The following TAAR5 variants were observed in gnomAD, a reference collection of about 807,000 sequenced individuals.
TAAR5 encodes trace amine-associated receptor 5.
In TAAR5, 27 loss-of-function variants were observed where a neutral mutation model predicts 21.1. That is an observed-to-expected ratio of 1.28 (90% CI 0.94 to 1.76). The LOEUF is 1.76. Ranked by LOEUF, TAAR5 falls within the 40% of genes most tolerant of loss-of-function variation. The probability of loss-of-function intolerance (pLI) is 0.00; values close to 1 mark genes in which losing one functional copy is unlikely to be tolerated. For missense variants in TAAR5, 495 were observed against 405.6 expected, an observed-to-expected ratio of 1.22 and a Z score of -1.89; for synonymous variants, 203 against 167.5, an observed-to-expected ratio of 1.21 and a Z score of -1.64.
the TAAR5 span, among the ~76,000 whole-genome samples, chr6:132,606,019 C>T: frequency 2.0e-5 from 3 of 152,234 alleles, no homozygotes; most frequent in East Asian, 1.9e-4. Flanking sequence ...AAACCAAATA[C>T]CGCCTATTCT....
the TAAR5 span, among the ~76,000 whole-genome samples, chr6:132,600,779 GGGAAGGAGGGAAGGAGGGGAGGAAGGAA>G: frequency 1.5e-5 from 2 of 131,612 alleles, no homozygotes; most frequent in East Asian, 2.2e-4. Flanking sequence ...GAAGGAAGGA[GGGAAGGAGGGAAGGAGGGGAGGAAGGAA>G]GGAAGGAAGG....
the TAAR5 span, among the ~76,000 whole-genome samples, chr6:132,610,153 G>A: frequency 2.6e-5 from 4 of 152,242 alleles, no homozygotes; most frequent in Non-Finnish European, 4.4e-5. Context: ...AAAGGAGGGT[G>A]GACAAATGGC....
At chr6:132,599,259 C>T in the TAAR5 span, among the ~76,000 whole-genome samples, 465 of 150,440 alleles carry the variant, frequency 3.1e-3, 5 homozygotes, top group African/African-American at 0.011. Context: ...TATTATTCAT[C>T]AACACCACAC....
chr6:132,596,776 G>A, the TAAR5 span, among the ~76,000 whole-genome samples: 2 of 152,108 alleles, frequency 1.3e-5, no homozygotes, highest in Non-Finnish European at 2.9e-5. Context: ...ATAAAGTGCA[G>A]ACTAGCAATC....
At chr6:132,590,522 GA>G (rs1317347050), upstream of TAAR5, among the ~76,000 whole-genome samples, 1 of 152,150 alleles carries the variant, frequency 6.6e-6, no homozygotes, top group Non-Finnish European at 1.5e-5. Flanking sequence ...CCCTTCCTGG[GA>G]AAAAATGTTT....
At chr6:132,591,548 A>G (rs1366897375), upstream of TAAR5, among the ~76,000 whole-genome samples, 1 of 152,220 alleles carries the variant, frequency 6.6e-6, no homozygotes, top group African/African-American at 2.4e-5. Flanking sequence ...GTGGAAATAC[A>G]TATCTGGCTC....
chr6:132,612,585 G>T, the TAAR5 span, among the ~76,000 whole-genome samples: 1 of 152,168 alleles, frequency 6.6e-6, no homozygotes, highest in Non-Finnish European at 1.5e-5. Flanking sequence ...GATAGTGTTA[G>T]TAGAAGAAAA....
At chr6:132,608,174 A>T in the TAAR5 span, 32 of 368,924 alleles carry the variant, frequency 8.7e-5, no homozygotes, top group South Asian at 6.2e-4. Context: ...TGGGGATGTA[A>T]GGTATGTGCT....
the TAAR5 span, among the ~76,000 whole-genome samples, chr6:132,604,379 G>A: frequency 6.6e-6 from 1 of 151,984 alleles, no homozygotes; most frequent in African/African-American, 2.4e-5. Flanking sequence ...TTGACCTCAG[G>A]TGATCCGTCT....
rs1212731426 is a variant in TAAR5, at chr6:132,589,627, C to A, written c.60G>T (p.Val20=). ...EEHPAAFCYQ[V]NGSCPRTVHT... The stretch of plus-strand genomic sequence containing the variant: ...GTACTGTCCTGGGGCAAGACCCATT[C>A]ACCTGGTAGCAGAATGCCGCAGGGT... The change falls in exon 1 of 1, where the codon GTG becomes GTT. Residue 20 remains valine (V), a synonymous_variant. Coordinates refer to ENST00000258034, the MANE Select transcript of TAAR5 (RefSeq NM_003967.3). 1.9e-6 allele frequency: 3 copies of A among 1,613,176 alleles called. No individual in the cohort carries two copies. In the African/African-American group the frequency reaches 4.0e-5, roughly 22 times the overall value.
chr6:132,589,881 A>T (rs1776880795), upstream of TAAR5, among the ~76,000 whole-genome samples: 1 of 152,104 alleles, frequency 6.6e-6, no homozygotes, highest in Non-Finnish European at 1.5e-5. Context: ...GTGCCCTGAA[A>T]ATCAAATGCA....
In TAAR5 at chr6:132,589,528, TA is replaced by T. The variant is rs1415708172; in HGVS notation, c.158del (p.Val53AspfsTer96). 12 of 1,613,848 alleles carry T rather than the reference TA, an allele frequency of 7.4e-6. No individual in the cohort carries two copies. The highest frequency in any genetic ancestry group is 1.0e-5 in the Non-Finnish European group (12 of 1,179,928). ...AGTAGGACACAGCAAATGCCACAAA[TA>T]CATTCCCTAGCACGATAATCAGCAT... Reference protein sequence around the residue: ...AGMLIIVLGNVFVAFAVSYFK... With the variant: ...AGMLIIVLGNXFVAFAVSYFK... On this transcript the variant is annotated frameshift_variant, in exon 1 of 1. Transcript: ENST00000258034. LOFTEE classifies it high-confidence loss of function.
chr6:132,607,514 A>G, the TAAR5 span, among the ~76,000 whole-genome samples: 3 of 152,160 alleles, frequency 2.0e-5, no homozygotes, highest in Non-Finnish European at 4.4e-5. Flanking sequence ...AGTGGTTGAA[A>G]CAAGCACAAG....
chr6:132,598,170 A>C, the TAAR5 span, among the ~76,000 whole-genome samples: 1 of 152,160 alleles, frequency 6.6e-6, no homozygotes, highest in African/African-American at 2.4e-5. Context: ...TAATAATTTT[A>C]TCTTACTTTG....
chr6:132,615,903 C>T, the TAAR5 span, among the ~76,000 whole-genome samples: 1 of 151,676 alleles, frequency 6.6e-6, no homozygotes, highest in African/African-American at 2.4e-5. Flanking sequence ...CACACACACA[C>T]ACACACACAC....
chr6:132,598,735 A>G, the TAAR5 span, among the ~76,000 whole-genome samples: 1 of 152,196 alleles, frequency 6.6e-6, no homozygotes, highest in Non-Finnish European at 1.5e-5. Flanking sequence ...TCACCAGAGA[A>G]ATGGCTCTGG....
At chr6:132,615,908 ACACACG>A in the TAAR5 span, among the ~76,000 whole-genome samples, 1 of 141,044 alleles carries the variant, frequency 7.1e-6, no homozygotes, top group Non-Finnish European at 1.6e-5. Context: ...ACACACACAC[ACACACG>A]AGATATAACT....
rs936078097 is a variant in TAAR5, at chr6:132,588,595, C to T, written c.*78G>A. Reference sequence around the variant, plus strand: ...CCTGGAAGCATGCCCACAAACTCAACACCACACAGCCCACGGTCACAGTGC... The same window carrying T: ...CCTGGAAGCATGCCCACAAACTCAATACCACACAGCCCACGGTCACAGTGC... On this transcript the variant is annotated 3_prime_UTR_variant, in exon 1 of 1. Coordinates refer to ENST00000258034, the MANE Select transcript of TAAR5 (RefSeq NM_003967.3). 9 of 1,496,342 alleles carry T rather than the reference C, an allele frequency of 6.0e-6. No homozygotes were observed. The highest frequency in any genetic ancestry group is 1.4e-5 in the African/African-American group (1 of 71,738). The allele number at this position is 1,496,342 out of a possible 1,614,324, so 92.7% of individuals were successfully genotyped here. A position where few individuals can be genotyped will look rare whatever the true frequency, so the allele number is the denominator to read the frequency against.
At chr6:132,592,941 G>A (rs1776927200), upstream of TAAR5, among the ~76,000 whole-genome samples, 1 of 152,206 alleles carries the variant, frequency 6.6e-6, no homozygotes, top group African/African-American at 2.4e-5. Context: ...AAGGACCACA[G>A]AACAGTAGCT....
Sources: gnomAD v4.1 joint callset for allele counts (sites outside exome capture counted in the v4.1 genomes callset) on GRCh38, gnomAD v4.1.1 for gene constraint, MANE v1.5 for transcripts, NCBI Gene and HGNC (gene_info 2026-07-23, HGNC 2026-07-21) for gene names.